Variants in RTCB observed in about 807,000 individuals in gnomAD.
The protein encoded by RTCB is RNA 2',3'-cyclic phosphate and 5'-OH ligase.
In RTCB, 32 loss-of-function variants were observed where a neutral mutation model predicts 58.2. The observed-to-expected ratio is 0.55, with a 90% CI of 0.41 to 0.74. The LOEUF is 0.74. Ranked by LOEUF, RTCB falls within the 30% of genes least tolerant of loss-of-function variation. RTCB has a pLI of 0.00. For synonymous variants in RTCB, 247 were observed against 218.6 expected (o/e 1.13, Z -1.15); for missense variants, 523 against 639.0 (o/e 0.82, Z 1.96).
At chr22:32,393,007 G>A (rs1933181868) in intron 10 of RTCB, among the ~76,000 whole-genome samples, 2 of 152,176 alleles carry the variant, frequency 1.3e-5, no homozygotes, top group Non-Finnish European at 2.9e-5. Flanking sequence ...CATAATCATA[G>A]CTCACTGCAG....
chr22:32,395,343 G>T, intron 8 of RTCB, 129 bp from the exon 9 acceptor site: 2 of 723,598 alleles, frequency 2.8e-6, no homozygotes, highest in Non-Finnish European at 4.4e-6. Flanking sequence ...TTCAAAAGTA[G>T]CCGTAAGATT....
intron 3 of RTCB, chr22:32,407,526 TGAAACTTACAACCAAGC>T (rs1933447620): frequency 6.6e-6 from 1 of 152,428 alleles, no homozygotes; most frequent in African/African-American, 2.4e-5. Flanking sequence ...GCATAGGAAG[TGAAACTTACAACCAAGC>T]GAAACTTACA....
At chr22:32,409,766 T>C (rs1185238599) in intron 1 of RTCB, among the ~76,000 whole-genome samples, 1 of 152,032 alleles carries the variant, frequency 6.6e-6, no homozygotes, top group Non-Finnish European at 1.5e-5. Flanking sequence ...ATAGAAAGAA[T>C]ATAAGATCTT....
intron 1 of RTCB, 141 bp downstream of exon 1, chr22:32,411,923 G>A (rs1020222106): frequency 1.1e-5 from 7 of 631,552 alleles, no homozygotes; most frequent in Admixed American, 3.1e-5. Context: ...AGAACCGTGA[G>A]GGGAGAAGGA....
intron 8 of RTCB, among the ~76,000 whole-genome samples, chr22:32,395,577 G>C (rs73881682): frequency 0.035 from 5,265 of 152,304 alleles, 287 homozygotes; most frequent in African/African-American, 0.12. Context: ...TCTCATGCCT[G>C]ATACTCTGAT....
chr22:32,410,053 T>C (rs1335868752), intron 1 of RTCB, among the ~76,000 whole-genome samples: 1 of 152,186 alleles, frequency 6.6e-6, no homozygotes, highest in Middle Eastern at 3.2e-3. Flanking sequence ...CCTGACCTCA[T>C]GATCCGCCCA....
chr22:32,407,411 A>G (rs536120255), intron 3 of RTCB: 3 of 152,918 alleles, frequency 2.0e-5, no homozygotes, highest in East Asian at 3.8e-4. Context: ...TCTACCTCTG[A>G]TAGAATATGA....
At chr22:32,406,820 G>A in intron 3 of RTCB, 59 bp from the exon 4 acceptor site, 1 of 1,160,170 alleles carries the variant, frequency 8.6e-7, no homozygotes, top group South Asian at 1.2e-5. Context: ...TGGATGCCCT[G>A]ATGGACCTGA....
At chr22:32,408,276 C>T (rs1268793033) in intron 2 of RTCB, 34 bp from the exon 3 acceptor site, 4 of 1,553,112 alleles carry the variant, frequency 2.6e-6, no homozygotes, top group African/African-American at 2.7e-5. Flanking sequence ...GAAAAGACAA[C>T]ACACTTGATT....
At chr22:32,399,493 T>TA (rs1472418655) in intron 6 of RTCB, 110 bp downstream of exon 6, 3 of 1,069,424 alleles carry the variant, frequency 2.8e-6, no homozygotes, top group Non-Finnish European at 4.0e-6. Flanking sequence ...TGATATACCA[T>TA]AAAAAAACCT....
intron 1 of RTCB, among the ~76,000 whole-genome samples, 159 bp from the exon 2 acceptor site, chr22:32,408,992 G>A (rs1477535249): frequency 6.6e-6 from 1 of 152,076 alleles, no homozygotes; most frequent in African/African-American, 2.4e-5. Flanking sequence ...CAAAGACTAC[G>A]AGCTGCTCCC....
Position 32,395,250 on chromosome 22 carries a change from C to G in RTCB, c.991-36G>C, listed in dbSNP as rs767455690. The stretch of plus-strand genomic sequence containing the variant: ...ACACAGAAGATAAAAGCAGCCAGAA[C>G]TTCAGGACTTATGTTCAGCTCTTCG... On this transcript the variant is annotated intron_variant, in intron 8 of 11. Coordinates refer to ENST00000216038, the MANE Select transcript of RTCB (RefSeq NM_014306.5). 3 of 1,582,040 alleles carry G rather than the reference C, an allele frequency of 1.9e-6. No homozygotes were observed. The East Asian group carries it at 6.8e-5, about 36-fold the overall frequency.
Position 32,412,145 on chromosome 22 carries a change from G to A in RTCB, c.12C>T (p.Ser4=). 1.9e-6 allele frequency: 3 copies of A among 1,596,194 alleles called. No individual in the cohort carries two copies. Among genetic ancestry groups the A allele is most frequent in the South Asian group, 1.1e-5 (1 of 88,704 alleles). MSR[S]YNDELQFLEK... The stretch of plus-strand genomic sequence containing the variant: ...CCAAGAACTGCAGCTCATCATTATA[G>A]CTGCGACTCATGGTGGCGAAAACTG... Residue 4 remains serine, a synonymous_variant, in exon 1 of 12, where the codon AGC becomes AGT. Coordinates refer to ENST00000216038, the MANE Select transcript of RTCB (RefSeq NM_014306.5).
chr22:32,402,894 G>A (rs1933361474), intron 4 of RTCB, among the ~76,000 whole-genome samples: 1 of 152,054 alleles, frequency 6.6e-6, no homozygotes, highest in East Asian at 1.9e-4. Context: ...ACAGGTGTGT[G>A]CCACCAGGCC....
Position 32,392,307 on chromosome 22 carries a change from A to T in RTCB, c.1343T>A (p.Val448Asp). The stretch of plus-strand genomic sequence containing the variant: ...TCCCATATCTGCCAATTTGTCTAAG[A>T]CATCCTGGAAATCTAAATTACGTCG... ...KSRRNLDFQD[V>D]LDKLADMGIA... is the part of the protein sequence containing the mutation. Residue 448 changes from valine (V) to aspartate (D), a missense_variant, in exon 11 of 12, where the codon GTC (valine) becomes GAC (aspartate). Val to Asp is a radical substitution (Grantham distance 152). This residue lies in a region of RTCB where 248 missense variants were observed against 292.5 expected (regional missense o/e 0.85). Transcript: ENST00000216038. The T allele has an allele frequency of 6.2e-7, 1 of 1,614,170 alleles. No individual in the cohort carries two copies. The highest frequency in any genetic ancestry group is 8.5e-7 in the Non-Finnish European group (1 of 1,180,006).
chr22:32,405,011 T>C (rs1933396731), intron 4 of RTCB, among the ~76,000 whole-genome samples: 1 of 152,190 alleles, frequency 6.6e-6, no homozygotes, highest in Non-Finnish European at 1.5e-5. Flanking sequence ...TCAGAAAATA[T>C]CCTCTTATAT....
At chr22:32,392,555 A>G (rs778086716) in intron 10 of RTCB, 196 bp from the exon 11 acceptor site, 2 of 748,958 alleles carry the variant, frequency 2.7e-6, no homozygotes, top group Middle Eastern at 2.3e-4. Context: ...TGTCCTATGC[A>G]GGGTATTCAG....
At position 32,397,938 on chromosome 22, in the gene RTCB, T is replaced by A; in HGVS notation, c.814+3A>T. On this transcript the variant is annotated splice_donor_region_variant and intron_variant, in intron 7 of 11. Coordinates refer to ENST00000216038, the MANE Select transcript of RTCB (RefSeq NM_014306.5). The stretch of plus-strand genomic sequence containing the variant: ...ACATTTTAGCACAAAGTCTAGAATA[T>A]ACCTGTGGCTACTTGGTGGCCCAAG... The A allele has an allele frequency of 6.2e-7, 1 of 1,610,450 alleles. No individual in the cohort carries two copies. The highest frequency in any genetic ancestry group is 8.5e-7 in the Non-Finnish European group (1 of 1,179,110).
At chr22:32,410,530 C>T (rs912678115) in intron 1 of RTCB, among the ~76,000 whole-genome samples, 1 of 151,994 alleles carries the variant, frequency 6.6e-6, no homozygotes, top group African/African-American at 2.4e-5. Context: ...TCTCTATTCC[C>T]AAAGGAAAGG....
Sources: gnomAD v4.1 joint callset for allele counts (sites outside exome capture counted in the v4.1 genomes callset) on GRCh38, gnomAD v4.1.1 for gene constraint, gnomAD v4.1.1 regional missense constraint, MANE v1.5 for transcripts, NCBI Gene and HGNC (gene_info 2026-07-23, HGNC 2026-07-21) for gene names.